TPM4: variants seen among roughly 807,000 people sequenced by gnomAD.
The protein encoded by TPM4 is tropomyosin alpha-4 chain.
A neutral mutation model predicts 35.8 loss-of-function variants in TPM4; 17 were observed. That is an observed-to-expected ratio of 0.47 (90% CI 0.32 to 0.71). The LOEUF is 0.71. Ranked by LOEUF, TPM4 falls within the 30% of genes least tolerant of loss-of-function variation. TPM4 has a pLI of 0.03. For synonymous variants in TPM4, 120 were observed against 122.9 expected (o/e 0.98, Z 0.15); for missense variants, 240 against 320.9 (o/e 0.75, Z 1.93).
chr19:16,095,358 G>A, intron 7 of TPM4: 1 of 1,036,080 alleles, frequency 9.7e-7, no homozygotes, highest in Non-Finnish European at 1.2e-6. Flanking sequence ...AGGCAGCCAG[G>A]TCGCTGCCCT....
At chr19:16,086,174 T>G (rs890943844) in intron 2 of TPM4, among the ~76,000 whole-genome samples, 1 of 151,208 alleles carries the variant, frequency 6.6e-6, no homozygotes, top group African/African-American at 2.4e-5. Context: ...AGATGAGAGA[T>G]GGGACTAGGG....
chr19:16,071,722 G>A (rs767607999), upstream of TPM4, among the ~76,000 whole-genome samples: 55 of 152,270 alleles, frequency 3.6e-4, no homozygotes, highest in Middle Eastern at 3.4e-3. Flanking sequence ...AGCAGCTCTC[G>A]GGCCAGCCTG....
In TPM4 at chr19:16,067,843, T is replaced by C. The variant is rs2090313309; in HGVS notation, c.114+105T>C. On this transcript the variant is annotated intron_variant, in intron 2 of 2. Transcript: ENST00000589897. The surrounding 1 kb of genome is among the most constrained non-coding windows in gnomAD (Gnocchi z 4.1). ...GGGGTCGCAGACACCTGCGGGAGGATAGGAGGCTGATGCTTTGGCGGAGGA... is the reference window on the plus strand; with the variant it reads ...GGGGTCGCAGACACCTGCGGGAGGACAGGAGGCTGATGCTTTGGCGGAGGA... 1 of 1,034,758 alleles carries C rather than the reference T, an allele frequency of 9.7e-7. No individual in the cohort carries two copies. The allele number at this position is 1,034,758 out of a possible 1,614,324, so 64.1% of individuals were successfully genotyped here.
At chr19:16,080,291 C>T (rs2090467177) in intron 1 of TPM4, 3 of 207,672 alleles carry the variant, frequency 1.4e-5, no homozygotes, top group South Asian at 1.9e-4. Flanking sequence ...TGGGGCCCCT[C>T]GGTTTCTTCA....
upstream of TPM4, chr19:16,074,298 C>T (rs1434606639): frequency 6.6e-6 from 1 of 152,204 alleles, no homozygotes; most frequent in Non-Finnish European, 1.5e-5. Flanking sequence ...TGGGTAGCTT[C>T]AGTAATAGAC....
chr19:16,081,733 A>C, intron 1 of TPM4, 180 bp from the exon 2 acceptor site: 1 of 758,486 alleles, frequency 1.3e-6, no homozygotes, highest in Non-Finnish European at 1.9e-6. Flanking sequence ...TGTTTTTCCC[A>C]GACATTTTCC....
In TPM4 at chr19:16,088,070, C is replaced by T. The variant is rs1322471818; in HGVS notation, c.428C>T (p.Ala143Val). 6.2e-7 allele frequency: 1 copy of T among 1,612,418 alleles called. No individual in the cohort carries two copies. The highest frequency in any genetic ancestry group is 8.5e-7 in the Non-Finnish European group (1 of 1,179,616). Residue 143 changes from alanine to valine, a missense_variant, in exon 4 of 8, where the codon GCA becomes GTA. Ala to Val is a moderately conservative substitution (Grantham distance 64). Coordinates refer to ENST00000643579, the MANE Select transcript of TPM4 (RefSeq NM_003290.3). Reference sequence around the variant, plus strand: ...ATCCTGGAGGGTGAGCTGGAGAGGGCAGAGGAGCGTGCGGAGGTGTCTGAA... The same window carrying T: ...ATCCTGGAGGGTGAGCTGGAGAGGGTAGAGGAGCGTGCGGAGGTGTCTGAA... ...LVILEGELER[A>V]EERAEVSELK...
rs2090410728 is a variant in TPM4, at chr19:16,076,669, T to G, written c.104T>G (p.Leu35Arg). 2.1e-6 allele frequency: 3 copies of G among 1,400,990 alleles called. No homozygotes were observed. The highest frequency in any genetic ancestry group is 2.8e-6 in the Non-Finnish European group (3 of 1,081,098). The allele number at this position is 1,400,990 out of a possible 1,614,324, so 86.8% of individuals were successfully genotyped here. Residue 35 changes from leucine (L) to arginine (R), a missense_variant, in exon 1 of 8, where the codon CTG becomes CGG. Transcript: ENST00000643579. ...CGCGCGCAGGGCCTGCAGCGGGAGC[T>G]GGACGGCGAGCGCGAGCGGCGCGAG... ...EDRAQGLQRE[L>R]DGERERREKA...
At chr19:16,076,068 C>T, upstream of TPM4, 1 of 1,607,698 alleles carries the variant, frequency 6.2e-7, no homozygotes, top group Non-Finnish European at 8.5e-7. Flanking sequence ...GCTGACGCAC[C>T]TCCAGAAGAA....
chr19:16,067,661 T>A lies in TPM4; in HGVS notation c.37T>A (p.Leu13Met), dbSNP rs1348696050. The A allele has an allele frequency of 1.2e-6, 2 of 1,613,374 alleles. No individual in the cohort carries two copies. Among genetic ancestry groups the A allele is most frequent in the South Asian group, 2.2e-5 (2 of 91,012 alleles). ...CAAGAAGAAAATGCAGATGCTGAAG[T>A]TGGACAAGGAGAATGCCATCGACCG... Residue 13 changes from leucine (L) to methionine (M), a missense_variant, in exon 2 of 3, where the codon TTG (leucine) becomes ATG (methionine). Transcript: ENST00000589897. The surrounding 1 kb of genome is among the most constrained non-coding windows in gnomAD (Gnocchi z 4.1).
intron 2 of TPM4, among the ~76,000 whole-genome samples, chr19:16,083,674 G>T (rs1019444052): frequency 6.6e-6 from 1 of 151,742 alleles, no homozygotes; most frequent in East Asian, 1.9e-4. Flanking sequence ...TGATCATCGC[G>T]TCTGCCCCTC....
chr19:16,095,755 TG>T (rs1248278332), intron 7 of TPM4: 2 of 255,272 alleles, frequency 7.8e-6, no homozygotes, highest in Non-Finnish European at 1.2e-5. Context: ...AATTTTTTTT[TG>T]TTTTTTTGTT....
At chr19:16,086,068 C>CA (rs562934017) in intron 2 of TPM4, among the ~76,000 whole-genome samples, 35,931 of 79,002 alleles carry the variant, frequency 0.45, 6,865 homozygotes, top group East Asian at 0.74. Flanking sequence ...GACTCCATCT[C>CA]AAAAAAAAAA....
rs1199918666 is a variant in TPM4, at chr19:16,070,165, G to A, written c.114+2427G>A. ...CCGGGGCAGGTGGGCTGCCCGTGGT[G>A]GACGGAGGAGAGGGAGGCCATTTCC... On this transcript the variant is annotated intron_variant, in intron 2 of 2. Transcript: ENST00000589897. This position sits in a 1 kb window ranked among gnomAD's most constrained non-coding sequence, Gnocchi z 7.4. 1.3e-5 allele frequency among the ~76,000 whole-genome samples: 2 copies of A among 152,116 alleles called. No individual in the cohort carries two copies. Among genetic ancestry groups the A allele is most frequent in the East Asian group, 1.9e-4 (1 of 5,198 alleles).
chr19:16,096,671 C>T (rs192055008), intron 7 of TPM4, among the ~76,000 whole-genome samples: 10 of 152,282 alleles, frequency 6.6e-5, no homozygotes, highest in Admixed American at 2.6e-4. Context: ...CACCTCCACG[C>T]CCTGCCCTTA....
chr19:16,088,473 C>T, intron 4 of TPM4: 12 of 1,079,890 alleles, frequency 1.1e-5, no homozygotes, highest in East Asian at 6.5e-5. Flanking sequence ...AATGCTTTTG[C>T]TCCTGTCAGT....
chr19:16,079,926 T>G (rs990162262), intron 1 of TPM4: 1 of 177,028 alleles, frequency 5.6e-6, no homozygotes, highest in Admixed American at 6.3e-5. Flanking sequence ...GGTCTCGAAC[T>G]CCTGACCTCA....
Position 16,092,532 on chromosome 19 carries a change from CT to C in TPM4, c.532-990del, listed in dbSNP as rs530679915. On this transcript the variant is annotated intron_variant, in intron 5 of 7. Coordinates refer to ENST00000643579, the MANE Select transcript of TPM4 (RefSeq NM_003290.3). Reference sequence around the variant, plus strand: ...AAGGTGCCTGCCTCTACTCTGCCTACTTTTTTTTTTTTTTCTTTTTGAGATG... The same window carrying C: ...AAGGTGCCTGCCTCTACTCTGCCTACTTTTTTTTTTTTTCTTTTTGAGATG... Among the ~76,000 whole-genome samples the C allele has an allele frequency of 5.6e-3, 817 of 145,120 alleles. 4 individuals are homozygous for C. Among genetic ancestry groups the C allele is most frequent in the African/African-American group, 0.017 (669 of 39,940 alleles).
At chr19:16,076,772 CG>C in intron 1 of TPM4, 75 bp downstream of exon 1, 1 of 1,282,070 alleles carries the variant, frequency 7.8e-7, no homozygotes, top group Non-Finnish European at 9.9e-7. Flanking sequence ...CGGCTTCCCG[CG>C]CTGCCCGCCC....
Sources: gnomAD v4.1 joint callset for allele counts (sites outside exome capture counted in the v4.1 genomes callset) on GRCh38, gnomAD v4.1.1 for gene constraint, Gnocchi (gnomAD v3.1) non-coding constraint, MANE v1.5 for transcripts, NCBI Gene and HGNC (gene_info 2026-07-23, HGNC 2026-07-21) for gene names.